The following SMAP1 variants were observed in gnomAD, a reference collection of about 807,000 sequenced individuals.
SMAP1 encodes the protein stromal membrane-associated protein 1.
In SMAP1, 24 loss-of-function variants were observed where a neutral mutation model predicts 58.5. The ratio of observed to expected loss-of-function variants is 0.41; its 90% confidence interval spans 0.30 to 0.58. The LOEUF is 0.58. Ranked by LOEUF, SMAP1 falls within the 20% of genes least tolerant of loss-of-function variation. SMAP1 has a pLI of 0.29. For missense variants in SMAP1, 563 were observed against 566.3 expected (o/e 0.99, Z 0.06); for synonymous variants, 216 against 196.6 (o/e 1.10, Z -0.82).
chr6:70,769,941 A>G (rs1226496641), intron 3 of SMAP1, among the ~76,000 whole-genome samples: 1 of 151,518 alleles, frequency 6.6e-6, no homozygotes, highest in African/African-American at 2.4e-5. Flanking sequence ...CTCTTAGGGC[A>G]GGCCTGGTGG....
At chr6:70,668,768 A>G in intron 1 of SMAP1, 2 of 1,524,632 alleles carry the variant, frequency 1.3e-6, no homozygotes, top group South Asian at 2.4e-5. Context: ...CTTTATTAGT[A>G]GTAGTATTGT....
rs1389399513 is a variant in SMAP1 at position 70,776,134 on chromosome 6, A to G, written c.414+2709A>G. Among the ~76,000 whole-genome samples the G allele has an allele frequency of 5.9e-5, 9 of 152,208 alleles. No individual in the cohort carries two copies. In the East Asian group the frequency reaches 1.2e-3, roughly 20 times the overall value. On this transcript the variant is annotated intron_variant, in intron 4 of 10. Transcript: ENST00000370455. ...CTTATATCTAAGGTATTCCAGGAGT[A>G]CTAGAGTACTTAAGGGGTATCCACA...
At chr6:70,786,485 A>G (rs1483468062) in intron 4 of SMAP1, among the ~76,000 whole-genome samples, 1 of 126,866 alleles carries the variant, frequency 7.9e-6, no homozygotes, top group Non-Finnish European at 1.6e-5. Context: ...ATAAAGGGTT[A>G]TTCAATTAGG....
chr6:70,752,168 GT>G (rs1391996161), intron 2 of SMAP1, among the ~76,000 whole-genome samples: 1 of 152,130 alleles, frequency 6.6e-6, no homozygotes, highest in Non-Finnish European at 1.5e-5. Context: ...AGTGTCAGCC[GT>G]GTCACTAATG....
In SMAP1 at chr6:70,860,366, C is replaced by T. The variant is rs1771663086; in HGVS notation, c.*32C>T. The T allele has an allele frequency of 6.3e-7, 1 of 1,584,586 alleles. No homozygotes were observed. The highest frequency in any genetic ancestry group is 1.2e-5 in the South Asian group (1 of 86,196). The stretch of plus-strand genomic sequence containing the variant: ...CAATACAAGTTTCATCCAGAACTAC[C>T]ACCTGACATTCCTTGCTGAAACGCA... On this transcript the variant is annotated 3_prime_UTR_variant, in exon 11 of 11. Transcript: ENST00000370455.
intron 1 of SMAP1, among the ~76,000 whole-genome samples, chr6:70,712,965 G>C (rs1266443511): frequency 6.6e-6 from 1 of 151,306 alleles, no homozygotes; most frequent in Admixed American, 6.6e-5. Flanking sequence ...CTCATTTTTT[G>C]TATTTTTAGT....
chr6:70,859,614 T>TAAGAG, intron 10 of SMAP1: 1 of 387,848 alleles, frequency 2.6e-6, no homozygotes, highest in Non-Finnish European at 4.6e-6. Flanking sequence ...ATTTTGGAAG[T>TAAGAG]AAGAGAATCA....
chr6:70,826,424 T>C (rs1444985959), intron 6 of SMAP1, among the ~76,000 whole-genome samples: 2 of 152,088 alleles, frequency 1.3e-5, no homozygotes, highest in African/African-American at 4.8e-5. Flanking sequence ...TTACTTCTTT[T>C]CCATAGTCTT....
At chr6:70,681,335 G>T (rs1766703040) in intron 1 of SMAP1, among the ~76,000 whole-genome samples, 1 of 152,122 alleles carries the variant, frequency 6.6e-6, no homozygotes, top group Non-Finnish European at 1.5e-5. Context: ...GGGAGGCTAG[G>T]GTAGGAGGAT....
chr6:70,762,201 T>C (rs1307519488), intron 3 of SMAP1, among the ~76,000 whole-genome samples: 2 of 152,206 alleles, frequency 1.3e-5, no homozygotes, highest in East Asian at 1.9e-4. Context: ...CCTCTAGTAC[T>C]GAATAGAATT....
At chr6:70,783,194 T>C (rs1337664507) in intron 4 of SMAP1, among the ~76,000 whole-genome samples, 1 of 152,058 alleles carries the variant, frequency 6.6e-6, no homozygotes, top group East Asian at 1.9e-4. Flanking sequence ...GCAAACAGGG[T>C]CTGGAGTGGA....
chr6:70,726,216 A>C (rs1768779507), intron 1 of SMAP1, among the ~76,000 whole-genome samples: 1 of 152,232 alleles, frequency 6.6e-6, no homozygotes, highest in South Asian at 2.1e-4. Context: ...CTTATTTAGT[A>C]AGATGGTAGT....
intron 1 of SMAP1, among the ~76,000 whole-genome samples, chr6:70,708,431 A>G (rs1022867551): frequency 3.3e-5 from 5 of 152,202 alleles, no homozygotes; most frequent in African/African-American, 1.2e-4. Context: ...TGCAATGAAC[A>G]TGGGAGTCCA....
rs1766101924 is a variant in SMAP1 at position 70,668,054 on chromosome 6, C to G, written c.31C>G (p.Gln11Glu). The change falls in exon 1 of 11, where the codon CAG becomes GAG. Residue 11 changes from glutamine to glutamate, a missense_variant. Coordinates refer to ENST00000370455, the MANE Select transcript of SMAP1 (RefSeq NM_001044305.3). MATRSCREKAQKLNEQHQLIL... is the reference protein window; with the variant it reads MATRSCREKAEKLNEQHQLIL... The stretch of plus-strand genomic sequence containing the variant: ...GACGCGCTCCTGTCGGGAGAAGGCT[C>G]AGAAGCTGAACGAGCAGCACCAGCT... The G allele has an allele frequency of 1.2e-6, 2 of 1,604,166 alleles. No homozygotes were observed. Among genetic ancestry groups the G allele is most frequent in the Non-Finnish European group, 1.7e-6 (2 of 1,176,208 alleles).
intron 6 of SMAP1, among the ~76,000 whole-genome samples, chr6:70,836,703 TAA>T (rs1232256444): frequency 6.6e-6 from 1 of 152,198 alleles, no homozygotes; most frequent in Non-Finnish European, 1.5e-5. Context: ...ACAATTATAT[TAA>T]GAGTTAAATT....
At chr6:70,681,302 C>T (rs761672454) in intron 1 of SMAP1, among the ~76,000 whole-genome samples, 9 of 152,032 alleles carry the variant, frequency 5.9e-5, no homozygotes, top group East Asian at 1.9e-4. Context: ...TGTGGTGGCA[C>T]GTGCCTGTGG....
chr6:70,756,975 A>G (rs1045224807), intron 3 of SMAP1, among the ~76,000 whole-genome samples: 6 of 152,150 alleles, frequency 3.9e-5, no homozygotes, highest in African/African-American at 1.2e-4. Flanking sequence ...TGCCATCCCC[A>G]TCAAGCTACC....
intron 1 of SMAP1, among the ~76,000 whole-genome samples, chr6:70,726,414 CAG>C (rs990537215): frequency 2.8e-4 from 42 of 152,248 alleles, no homozygotes; most frequent in African/African-American, 9.9e-4. Context: ...TCAGAAAAGA[CAG>C]ATAAAACAAT....
intron 2 of SMAP1, among the ~76,000 whole-genome samples, chr6:70,750,771 A>G (rs755376533): frequency 1.3e-5 from 2 of 152,180 alleles, no homozygotes; most frequent in African/African-American, 2.4e-5. Flanking sequence ...GGATTCTTCA[A>G]TGGTTTATTA....
Sources: gnomAD v4.1 joint callset for allele counts (sites outside exome capture counted in the v4.1 genomes callset) on GRCh38, gnomAD v4.1.1 for gene constraint, MANE v1.5 for transcripts, NCBI Gene and HGNC (gene_info 2026-07-23, HGNC 2026-07-21) for gene names.